The following ADAM17 variants were observed in gnomAD, a reference collection of about 807,000 sequenced individuals.
ADAM17 encodes the protein ADAM metallopeptidase domain 17.
ADAM17 carries 39 observed loss-of-function variants against 96.7 expected under a neutral mutation model. The observed-to-expected ratio is 0.40, with a 90% CI of 0.31 to 0.53. ADAM17 has a LOEUF of 0.53. Ranked by LOEUF, ADAM17 falls within the 20% of genes least tolerant of loss-of-function variation. The pLI is 0.44. For missense variants in ADAM17, 777 were observed against 1,013.2 expected (o/e 0.77, Z 3.17); for synonymous variants, 344 against 359.2 (o/e 0.96, Z 0.48).
At chr2:9,504,920 G>A (rs1017374915) in intron 12 of ADAM17, among the ~76,000 whole-genome samples, 1 of 152,056 alleles carries the variant, frequency 6.6e-6, no homozygotes, top group African/African-American at 2.4e-5. Flanking sequence ...GTCTCACTAT[G>A]TTGCCCAGGC....
chr2:9,520,106 T>C (rs554255989), intron 8 of ADAM17, among the ~76,000 whole-genome samples: 2 of 152,220 alleles, frequency 1.3e-5, no homozygotes, highest in East Asian at 3.8e-4. Context: ...TTCAGCCTCA[T>C]GAGACCCTAA....
intron 1 of ADAM17, among the ~76,000 whole-genome samples, chr2:9,551,741 G>A (rs1004592275): frequency 3.9e-5 from 6 of 152,150 alleles, no homozygotes; most frequent in African/African-American, 1.4e-4. Flanking sequence ...TTACAGGCAT[G>A]AGCCACCGCG....
Position 9,497,213 on chromosome 2 carries a change from C to T in ADAM17, c.1684G>A (p.Glu562Lys), listed in dbSNP as rs549183501. ...SSECPPPGNA[E>K]DDTVCLDLGK... ...AGATCCAAGCAAACAGTGTCATCTT[C>T]AGCATTTCCTGGAGGCGGGCACTCA... is the stretch of plus-strand genomic sequence containing the variant. The change falls in exon 14 of 19, where the codon GAA (glutamate) becomes AAA (lysine). Residue 562 changes from glutamate (E) to lysine (K), a missense_variant. Glu to Lys is a moderately conservative substitution (Grantham distance 56). This residue lies in a region of ADAM17 where 446 missense variants were observed against 664.7 expected (regional missense o/e 0.67). Coordinates refer to ENST00000310823, the MANE Select transcript of ADAM17 (RefSeq NM_003183.6). The T allele has an allele frequency of 3.3e-5, 54 of 1,614,260 alleles. 1 individual carries two copies. The South Asian group carries it at 5.0e-4, about 15-fold the overall frequency.
intron 13 of ADAM17, among the ~76,000 whole-genome samples, chr2:9,499,550 C>T (rs1161164376): frequency 2.0e-5 from 3 of 151,994 alleles, no homozygotes; most frequent in South Asian, 2.1e-4. Flanking sequence ...TACAGGCGCC[C>T]GCCACCACGC....
chr2:9,550,013 CAT>C (rs1665532667), intron 1 of ADAM17, among the ~76,000 whole-genome samples: 1 of 152,062 alleles, frequency 6.6e-6, no homozygotes, highest in African/African-American at 2.4e-5. Context: ...AAATGGAAAA[CAT>C]AAAGCCAGTA....
chr2:9,532,727 G>T (rs1432365662), intron 4 of ADAM17, among the ~76,000 whole-genome samples: 1 of 147,728 alleles, frequency 6.8e-6, no homozygotes, highest in Non-Finnish European at 1.5e-5. Context: ...GGCTCAAGCA[G>T]TCCACCCGCC....
At chr2:9,504,686 C>T (rs1270843477) in intron 12 of ADAM17, among the ~76,000 whole-genome samples, 4 of 145,898 alleles carry the variant, frequency 2.7e-5, no homozygotes, top group Non-Finnish European at 6.0e-5. Context: ...CACTTGAACC[C>T]GGGAGACAAA....
In ADAM17 at chr2:9,523,878, C is replaced by CTT. The variant is rs112169335; in HGVS notation, c.754-542_754-541dup. 6.6e-4 allele frequency among the ~76,000 whole-genome samples: 95 copies of CTT among 144,476 alleles called. 1 individual carries two copies. Among genetic ancestry groups the CTT allele is most frequent in the African/African-American group, 2.2e-3 (89 of 39,584 alleles). 94.8% of individuals were successfully genotyped at this position (144,476 alleles called of 152,430 possible). A position where few individuals can be genotyped will look rare whatever the true frequency, so the allele number is the denominator to read the frequency against. On this transcript the variant is annotated intron_variant, in intron 6 of 18. Coordinates refer to ENST00000310823, the MANE Select transcript of ADAM17 (RefSeq NM_003183.6). The stretch of plus-strand genomic sequence containing the variant: ...GTATTTTTCTCTTCCTTATGATTTT[C>CTT]TTTTTTTTTTTTCAAGAGACAAGGT...
chr2:9,550,570 C>T (rs1665557754), intron 1 of ADAM17, among the ~76,000 whole-genome samples: 1 of 151,550 alleles, frequency 6.6e-6, no homozygotes, highest in African/African-American at 2.4e-5. Flanking sequence ...CTCAGTCTCC[C>T]CAGTAGCTGG....
chr2:9,491,710 T>A (rs1662167220), intron 17 of ADAM17, among the ~76,000 whole-genome samples: 1 of 152,236 alleles, frequency 6.6e-6, no homozygotes, highest in African/African-American at 2.4e-5. Flanking sequence ...GCCCCATCCC[T>A]GCCTGTGGCT....
intron 3 of ADAM17, 93 bp from the exon 4 acceptor site, chr2:9,536,015 G>T: frequency 1.2e-6 from 1 of 830,768 alleles, no homozygotes; most frequent in Non-Finnish European, 1.7e-6. Context: ...CTTCAGGGTG[G>T]AATTTGCCTA....
rs73913116 is a variant in ADAM17, at chr2:9,492,846, G to A, written c.2082+52C>T. 13,340 of 1,482,884 alleles carry A rather than the reference G, an allele frequency of 9.0e-3. 1,024 individuals are homozygous for A. In the African/African-American group the frequency reaches 0.16, roughly 18 times the overall value. 91.9% of individuals were successfully genotyped at this position (1,482,884 alleles called of 1,614,324 possible). On this transcript the variant is annotated intron_variant, in intron 17 of 18. Transcript: ENST00000310823. ...CTTTTCCAGAGATTACATGGTTGGA[G>A]TTGATCAAAATTTAAATAAAACATT...
At chr2:9,492,052 G>C (rs918587882) in intron 17 of ADAM17, among the ~76,000 whole-genome samples, 1 of 152,230 alleles carries the variant, frequency 6.6e-6, no homozygotes, top group Non-Finnish European at 1.5e-5. Flanking sequence ...CCCTGAGGAA[G>C]AGCTGCTCTG....
At chr2:9,554,223 T>C (rs1391964834) in intron 1 of ADAM17, among the ~76,000 whole-genome samples, 2 of 152,212 alleles carry the variant, frequency 1.3e-5, no homozygotes, top group Non-Finnish European at 2.9e-5. Flanking sequence ...TGTGTCAGGG[T>C]GGTGCAAATA....
intron 3 of ADAM17, 41 bp downstream of exon 3, chr2:9,536,657 T>A (rs778393300): frequency 1.2e-6 from 2 of 1,610,842 alleles, no homozygotes; most frequent in South Asian, 1.1e-5. Context: ...GGAGACCTAA[T>A]ACACCAGACA....
chr2:9,505,560 C>T, intron 11 of ADAM17, 195 bp from the exon 12 acceptor site: 3 of 596,496 alleles, frequency 5.0e-6, no homozygotes, highest in Non-Finnish European at 8.9e-6. Context: ...CCATAGAATG[C>T]TAAATGGCTG....
At chr2:9,520,820 C>A (rs528566957) in intron 8 of ADAM17, among the ~76,000 whole-genome samples, 15 of 151,780 alleles carry the variant, frequency 9.9e-5, no homozygotes, top group Non-Finnish European at 1.0e-4. Context: ...AAAAATTAGC[C>A]GGCCGTGGTG....
chr2:9,508,332 A>G (rs936228459), intron 11 of ADAM17, among the ~76,000 whole-genome samples: 10 of 152,170 alleles, frequency 6.6e-5, no homozygotes, highest in Non-Finnish European at 1.5e-4. Flanking sequence ...CTTCAACAAT[A>G]ATCAACTTAT....
intron 16 of ADAM17, 135 bp downstream of exon 16, chr2:9,493,612 G>C (rs1662332345): frequency 7.2e-6 from 5 of 697,212 alleles, no homozygotes; most frequent in Non-Finnish European, 9.4e-6. Flanking sequence ...CAACAAAGTT[G>C]TTTCATAACT....
Sources: gnomAD v4.1 joint callset for allele counts (sites outside exome capture counted in the v4.1 genomes callset) on GRCh38, gnomAD v4.1.1 for gene constraint, gnomAD v4.1.1 regional missense constraint, MANE v1.5 for transcripts, NCBI Gene and HGNC (gene_info 2026-07-23, HGNC 2026-07-21) for gene names.